AFF3: variants seen among roughly 807,000 people sequenced by gnomAD.
The protein encoded by AFF3 is ALF transcription elongation factor 3.
In AFF3, 32 loss-of-function variants were observed where a neutral mutation model predicts 129.7. The observed-to-expected ratio is 0.25, with a 90% CI of 0.19 to 0.33. The LOEUF is 0.33. AFF3 is among the 10% of genes least tolerant of loss of function. The probability of loss-of-function intolerance (pLI) is 1.00; values close to 1 mark genes in which losing one functional copy is unlikely to be tolerated. For synonymous variants in AFF3, 644 were observed against 635.4 expected (o/e 1.01, Z -0.20); for missense variants, 1,373 against 1,592.0 (o/e 0.86, Z 2.34).
intron 8 of AFF3, among the ~76,000 whole-genome samples, chr2:99,836,333 T>C (rs1352096984): frequency 6.6e-6 from 1 of 152,220 alleles, no homozygotes; most frequent in Non-Finnish European, 1.5e-5. Context: ...CTTAGGTTGA[T>C]TGTTCTTTAA....
chr2:100,009,112 T>C (rs1017522612), intron 4 of AFF3, among the ~76,000 whole-genome samples, 180 bp from the exon 5 acceptor site: 4 of 152,152 alleles, frequency 2.6e-5, no homozygotes, highest in Admixed American at 2.6e-4. Context: ...ACAATTACAT[T>C]CTTTGGGGGG....
At chr2:99,629,478 A>C (rs1682926713) in intron 13 of AFF3, among the ~76,000 whole-genome samples, 1 of 152,208 alleles carries the variant, frequency 6.6e-6, no homozygotes. Flanking sequence ...CTACAATGAG[A>C]ACTACAAAAC....
At chr2:99,773,896 T>C (rs1683688232) in intron 8 of AFF3, among the ~76,000 whole-genome samples, 2 of 152,128 alleles carry the variant, frequency 1.3e-5, no homozygotes, top group South Asian at 4.1e-4. Context: ...GCATATAAAA[T>C]CAATGTGCAG....
chr2:100,125,849 C>T (rs1426941717), intron 2 of AFF3, among the ~76,000 whole-genome samples: 2 of 151,924 alleles, frequency 1.3e-5, no homozygotes, highest in East Asian at 1.9e-4. Context: ...TGACAGGCTC[C>T]GCGTGAGCCT....
At chr2:99,979,559 A>G (rs755843265) in intron 7 of AFF3, among the ~76,000 whole-genome samples, 17 of 151,928 alleles carry the variant, frequency 1.1e-4, no homozygotes, top group Non-Finnish European at 1.9e-4. Flanking sequence ...GTTCACTGCA[A>G]CCTTGAAATC....
At chr2:99,646,785 T>C (rs1408508659) in intron 13 of AFF3, among the ~76,000 whole-genome samples, 1 of 152,260 alleles carries the variant, frequency 6.6e-6, no homozygotes, top group Non-Finnish European at 1.5e-5. Context: ...ATGACATCTG[T>C]CACTTGATAA....
intron 8 of AFF3, among the ~76,000 whole-genome samples, chr2:99,788,535 C>T (rs1324324661): frequency 6.6e-6 from 1 of 152,184 alleles, no homozygotes; most frequent in Admixed American, 6.5e-5. Flanking sequence ...AATAGTCGTA[C>T]AGTGTTGTTT....
At chr2:99,679,517 T>G (rs1455351103) in intron 11 of AFF3, among the ~76,000 whole-genome samples, 2 of 152,182 alleles carry the variant, frequency 1.3e-5, no homozygotes, top group African/African-American at 4.8e-5. Context: ...TGCCAAATCC[T>G]GGTGAGATGC....
At chr2:99,603,937 A>G (rs1445278540) in intron 13 of AFF3, among the ~76,000 whole-genome samples, 1 of 152,218 alleles carries the variant, frequency 6.6e-6, no homozygotes, top group Non-Finnish European at 1.5e-5. Context: ...ACCATCTCAC[A>G]CCAGTCAGAC....
At chr2:99,723,983 A>C (rs1679134514) in intron 11 of AFF3, among the ~76,000 whole-genome samples, 1 of 152,196 alleles carries the variant, frequency 6.6e-6, no homozygotes, top group Non-Finnish European at 1.5e-5. Flanking sequence ...TACATCTCCC[A>C]GAAGCAACCA....
At chr2:99,655,226 ACACAC>A (rs1440342963) in intron 12 of AFF3, among the ~76,000 whole-genome samples, 2 of 108,886 alleles carry the variant, frequency 1.8e-5, no homozygotes, top group Non-Finnish European at 4.5e-5. Flanking sequence ...ACACACACAC[ACACAC>A]ACACACACAC....
intron 24 of AFF3, among the ~76,000 whole-genome samples, chr2:99,553,929 A>G (rs1674660382): frequency 6.6e-6 from 1 of 150,798 alleles, no homozygotes; most frequent in South Asian, 2.1e-4. Context: ...AAAAAAAAAA[A>G]AAAAAAAAAA....
intron 8 of AFF3, among the ~76,000 whole-genome samples, chr2:99,797,857 C>A (rs1685659448): frequency 6.6e-6 from 1 of 152,024 alleles, no homozygotes; most frequent in Non-Finnish European, 1.5e-5. Flanking sequence ...TTCAGATATG[C>A]AACAGCTGGA....
intron 4 of AFF3, among the ~76,000 whole-genome samples, chr2:100,063,779 A>G (rs1379171518): frequency 6.6e-6 from 1 of 152,122 alleles, no homozygotes; most frequent in Non-Finnish European, 1.5e-5. Context: ...CCACAGATAT[A>G]CTAATCAGGG....
intron 10 of AFF3, among the ~76,000 whole-genome samples, chr2:99,736,373 T>C (rs1340835687): frequency 5.3e-5 from 8 of 152,348 alleles, no homozygotes; most frequent in African/African-American, 1.7e-4. Flanking sequence ...ACTGTAGTAA[T>C]GCTTTTTGCT....
intron 12 of AFF3, among the ~76,000 whole-genome samples, chr2:99,653,765 C>A (rs1685487306): frequency 1.3e-5 from 2 of 151,782 alleles, no homozygotes; most frequent in Non-Finnish European, 2.9e-5. Context: ...CTACGAGGCA[C>A]TAAGCAGTGT....
intron 7 of AFF3, among the ~76,000 whole-genome samples, chr2:99,971,088 ACT>A (rs1204980017): frequency 1.3e-5 from 2 of 151,912 alleles, no homozygotes; most frequent in East Asian, 1.9e-4. Context: ...ACTCTAAATA[ACT>A]CTTTTTATTA....
At chr2:100,103,060 G>C (rs1690864470) in intron 4 of AFF3, among the ~76,000 whole-genome samples, 1 of 151,792 alleles carries the variant, frequency 6.6e-6, no homozygotes, top group South Asian at 2.1e-4. Context: ...TGCAGAGCAA[G>C]CTGTACTTAC....
chr2:99,782,904 A>G (rs1161634249), intron 8 of AFF3, among the ~76,000 whole-genome samples: 2 of 152,246 alleles, frequency 1.3e-5, no homozygotes, highest in African/African-American at 2.4e-5. Flanking sequence ...CTCAAGCACA[A>G]ATATTTTCCA....
Sources: gnomAD v4.1 joint callset for allele counts (sites outside exome capture counted in the v4.1 genomes callset) on GRCh38, gnomAD v4.1.1 for gene constraint, MANE v1.5 for transcripts, NCBI Gene and HGNC (gene_info 2026-07-23, HGNC 2026-07-21) for gene names.